PDE4D: variants seen among roughly 807,000 people sequenced by gnomAD.
The protein encoded by PDE4D is phosphodiesterase 4D.
PDE4D carries 24 observed loss-of-function variants against 87.4 expected under a neutral mutation model. The observed-to-expected ratio is 0.27, with a 90% CI of 0.20 to 0.39. PDE4D has a LOEUF of 0.39. PDE4D is among the 10% of genes least tolerant of loss of function. PDE4D has a pLI of 1.00. For synonymous variants in PDE4D, 384 were observed against 383.2 expected, an observed-to-expected ratio of 1.00 and a Z score of -0.02; for missense variants, 714 against 1,041.0, an observed-to-expected ratio of 0.69 and a Z score of 4.32.
intron 1 of PDE4D, among the ~76,000 whole-genome samples, chr5:59,515,897 A>G (rs1008511075): frequency 6.6e-6 from 1 of 152,214 alleles, no homozygotes; most frequent in Non-Finnish European, 1.5e-5. Flanking sequence ...TGGATCAGTC[A>G]ATCGATGGTG....
intron 5 of PDE4D, among the ~76,000 whole-genome samples, chr5:59,067,034 A>C (rs892612629): frequency 2.7e-5 from 3 of 112,348 alleles, no homozygotes; most frequent in Non-Finnish European, 6.1e-5. Flanking sequence ...ATTTATTTAG[A>C]GAGAGAGTTT....
chr5:60,383,439 T>C lies in PDE4D; in HGVS notation c.-90+104503A>G, dbSNP rs574573176. ...GCCTTCCATTTCTCCTTTTAGCCCA[T>C]TTATCTTTCCCTTAGGGGAAAACAC... On this transcript the variant is annotated intron_variant, in intron 1 of 16. Coordinates refer to the PDE4D transcript ENST00000502484. Among the ~76,000 whole-genome samples, 8 of 152,340 alleles carry C rather than the reference T, an allele frequency of 5.3e-5. No individual in the cohort carries two copies. In the South Asian group the frequency reaches 1.7e-3, roughly 32 times the overall value.
intron 1 of PDE4D, among the ~76,000 whole-genome samples, chr5:59,563,947 GA>G (rs1268343272): frequency 6.6e-6 from 1 of 152,168 alleles, no homozygotes; most frequent in Non-Finnish European, 1.5e-5. Context: ...GAATAAGCAA[GA>G]CAAACTTGAG....
chr5:59,972,001 G>A (rs1483133728), intron 3 of PDE4D, among the ~76,000 whole-genome samples: 2 of 152,156 alleles, frequency 1.3e-5, no homozygotes, highest in African/African-American at 2.4e-5. Context: ...AGTCTGCCTG[G>A]GACCCTATTC....
chr5:59,404,842 A>G (rs1379513426), intron 1 of PDE4D, among the ~76,000 whole-genome samples: 2 of 152,178 alleles, frequency 1.3e-5, no homozygotes, highest in Non-Finnish European at 2.9e-5. Flanking sequence ...ATAGATATCC[A>G]GTTTTCCCAG....
Position 60,263,839 on chromosome 5 carries a change from C to G in PDE4D, c.-89-78152G>C, listed in dbSNP as rs570355316. Among the ~76,000 whole-genome samples, 11 of 152,164 alleles carry G rather than the reference C, an allele frequency of 7.2e-5. No homozygotes were observed. In the East Asian group the frequency reaches 1.7e-3, roughly 24 times the overall value. ...AAAGAAAAGAAAATTCCTCAAAGTCCTTGGCTTTGAGAAGCAAAAATTAGT... is the reference window on the plus strand; with the variant it reads ...AAAGAAAAGAAAATTCCTCAAAGTCGTTGGCTTTGAGAAGCAAAAATTAGT... On this transcript the variant is annotated intron_variant, in intron 1 of 16. Transcript: ENST00000502484.
At chr5:59,621,008 C>G (rs544207997) in intron 1 of PDE4D, among the ~76,000 whole-genome samples, 1 of 151,970 alleles carries the variant, frequency 6.6e-6, no homozygotes, top group South Asian at 2.1e-4. Flanking sequence ...CTCTCATTTC[C>G]TCTTTTTTTT....
intron 1 of PDE4D, among the ~76,000 whole-genome samples, chr5:59,556,883 G>C (rs531836277): frequency 6.6e-6 from 1 of 152,264 alleles, no homozygotes; most frequent in Admixed American, 6.5e-5. Context: ...GGAAGGGAAG[G>C]ACAAAGGAAG....
At chr5:60,359,340 A>AGAG (rs374770919) in intron 1 of PDE4D, among the ~76,000 whole-genome samples, 6 of 152,326 alleles carry the variant, frequency 3.9e-5, no homozygotes, top group African/African-American at 1.2e-4. Flanking sequence ...CCCCGGAGGT[A>AGAG]GAGGCTACAG....
chr5:59,924,688 G>C (rs1755048007), intron 3 of PDE4D, among the ~76,000 whole-genome samples: 1 of 151,964 alleles, frequency 6.6e-6, no homozygotes, highest in African/African-American at 2.4e-5. Context: ...ATCAACAACA[G>C]ACCTGTCCTA....
intron 1 of PDE4D, among the ~76,000 whole-genome samples, chr5:59,798,242 A>G (rs528293932): frequency 7.0e-6 from 1 of 143,012 alleles, no homozygotes; most frequent in African/African-American, 2.6e-5. Flanking sequence ...CTCTCTCTCT[A>G]TATATAAATG....
At position 60,066,040 on chromosome 5, in the gene PDE4D, T is replaced by C. The variant is rs372908799; in HGVS notation, c.43-77323A>G. Among the ~76,000 whole-genome samples, 6 of 152,258 alleles carry C rather than the reference T, an allele frequency of 3.9e-5. No individual in the cohort carries two copies. In the South Asian group the frequency reaches 6.2e-4, roughly 16 times the overall value. Reference sequence around the variant, plus strand: ...CTTCCACAATGGTTGAACTAGTTTATAGTCCCACCAACAGTGTAAAAGTGT... The same window carrying C: ...CTTCCACAATGGTTGAACTAGTTTACAGTCCCACCAACAGTGTAAAAGTGT... On this transcript the variant is annotated intron_variant, in intron 2 of 16. Coordinates refer to the PDE4D transcript ENST00000502484.
chr5:60,308,567 G>A (rs1314396975), intron 1 of PDE4D, among the ~76,000 whole-genome samples: 1 of 152,172 alleles, frequency 6.6e-6, no homozygotes, highest in African/African-American at 2.4e-5. Flanking sequence ...GTAAAAAGTA[G>A]AGCCAGAAAC....
chr5:59,458,348 A>G (rs1006528866), intron 1 of PDE4D, among the ~76,000 whole-genome samples: 3 of 152,248 alleles, frequency 2.0e-5, no homozygotes, highest in Admixed American at 6.5e-5. Flanking sequence ...GTAAATTTCA[A>G]TGACACTAAC....
chr5:59,498,898 T>A (rs1471501898), intron 1 of PDE4D, among the ~76,000 whole-genome samples: 1 of 152,076 alleles, frequency 6.6e-6, no homozygotes, highest in African/African-American at 2.4e-5. Flanking sequence ...TTGTATTTAA[T>A]AAATTTGATA....
At chr5:59,893,883 C>A, upstream of PDE4D, 1 of 1,181,692 alleles carries the variant, frequency 8.5e-7, no homozygotes, top group Non-Finnish European at 1.1e-6. Flanking sequence ...CCCCAAGTCA[C>A]CAAGACTAGG....
intron 1 of PDE4D, among the ~76,000 whole-genome samples, chr5:60,227,922 T>C (rs67787424): frequency 0.15 from 22,869 of 151,920 alleles, 1,874 homozygotes; most frequent in Admixed American, 0.16. Flanking sequence ...CATCACTTTT[T>C]CCCTAACTTC....
Position 59,943,193 on chromosome 5 carries a change from AATTATT to A in PDE4D, c.272+45289_272+45294del, listed in dbSNP as rs905743840. On this transcript the variant is annotated intron_variant, in intron 3 of 16. Transcript: ENST00000502484. Reference sequence around the variant, plus strand: ...AAAGGTGTAATTTTCCAAAGGTAACAATTATTATTATTATTATCCTTTTTTTTTTAC... The same window carrying A: ...AAAGGTGTAATTTTCCAAAGGTAACAATTATTATTATCCTTTTTTTTTTAC... Among the ~76,000 whole-genome samples the A allele has an allele frequency of 3.1e-5, 4 of 129,926 alleles. No homozygotes were observed. The East Asian group carries it at 1.1e-3, about 34-fold the overall frequency. 85.2% of individuals were successfully genotyped at this position (129,926 alleles called of 152,430 possible).
intron 1 of PDE4D, among the ~76,000 whole-genome samples, chr5:59,386,085 T>C (rs1254598529): frequency 6.6e-6 from 1 of 152,200 alleles, no homozygotes; most frequent in East Asian, 1.9e-4. Flanking sequence ...TCTCTTCCAT[T>C]CTCACACCTT....
Sources: gnomAD v4.1 joint callset for allele counts (sites outside exome capture counted in the v4.1 genomes callset) on GRCh38, gnomAD v4.1.1 for gene constraint, MANE v1.5 for transcripts, NCBI Gene and HGNC (gene_info 2026-07-23, HGNC 2026-07-21) for gene names.